Variants in CD96 observed in about 807,000 individuals in gnomAD.
The protein encoded by CD96 is CD96 molecule.
Under a neutral mutation model 71.3 loss-of-function variants are expected in CD96, and 70 were observed. The ratio of observed to expected loss-of-function variants is 0.98; its 90% CI spans 0.81 to 1.20. CD96 has a LOEUF of 1.20. Ranked by LOEUF, CD96 falls within the 50% of genes most tolerant of loss-of-function variation. CD96 has a pLI of 0.00. For synonymous variants in CD96, 248 were observed against 233.0 expected, an observed-to-expected ratio of 1.06 and a Z score of -0.59; for missense variants, 742 against 677.5, an observed-to-expected ratio of 1.10 and a Z score of -1.06.
At chr3:111,546,356 G>A (rs1027308120) in intron 2 of CD96, among the ~76,000 whole-genome samples, 2 of 152,218 alleles carry the variant, frequency 1.3e-5, no homozygotes, top group Admixed American at 6.5e-5. Context: ...TTAGTCTAGG[G>A]CAGGTAAAGG....
chr3:111,624,273 G>T, intron 9 of CD96, 60 bp from the exon 10 acceptor site: 1 of 1,145,972 alleles, frequency 8.7e-7, no homozygotes. Context: ...GTGCATCAAA[G>T]CAAAGTTAAA....
chr3:111,600,186 C>T (rs77678288), intron 6 of CD96, among the ~76,000 whole-genome samples: 1,606 of 152,312 alleles, frequency 0.011, 37 homozygotes, highest in African/African-American at 0.036. Context: ...TGAGCTCCTT[C>T]GTCCTTCCTC....
intron 2 of CD96, among the ~76,000 whole-genome samples, chr3:111,564,377 C>G (rs1332020521): frequency 6.6e-6 from 1 of 151,706 alleles, no homozygotes; most frequent in Admixed American, 6.6e-5. Context: ...TTCCCTCATT[C>G]TATTTTGAAA....
chr3:111,621,825 A>G (rs1297044170), intron 8 of CD96, among the ~76,000 whole-genome samples: 3 of 152,182 alleles, frequency 2.0e-5, no homozygotes. Context: ...GCCAATGGGA[A>G]AATCCTCAGT....
intron 13 of CD96, among the ~76,000 whole-genome samples, chr3:111,649,342 A>G (rs987245938): frequency 5.9e-5 from 9 of 152,168 alleles, no homozygotes; most frequent in African/African-American, 2.2e-4. Flanking sequence ...ATGGTGATGC[A>G]TTTCCTGCAC....
At chr3:111,655,949 T>C (rs978575439), downstream of CD96, among the ~76,000 whole-genome samples, 3 of 151,524 alleles carry the variant, frequency 2.0e-5, no homozygotes, top group Non-Finnish European at 4.4e-5. Context: ...TATACATCTA[T>C]ATAACTGCAA....
At chr3:111,555,488 G>T (rs1248910352) in intron 2 of CD96, among the ~76,000 whole-genome samples, 1 of 152,278 alleles carries the variant, frequency 6.6e-6, no homozygotes. Context: ...AATTCAGAGT[G>T]GATTGTTTCT....
chr3:111,576,244 A>T (rs1344987429), intron 3 of CD96, among the ~76,000 whole-genome samples: 2 of 152,170 alleles, frequency 1.3e-5, no homozygotes, highest in Non-Finnish European at 2.9e-5. Flanking sequence ...AAAAGAAAAA[A>T]CTGGTAGAAA....
chr3:111,654,312 C>A (rs1290697444), downstream of CD96, among the ~76,000 whole-genome samples: 6 of 152,156 alleles, frequency 3.9e-5, no homozygotes, highest in Non-Finnish European at 8.8e-5. Flanking sequence ...TCCTGGATTT[C>A]CTCGATTACT....
At chr3:111,586,047 A>AAT (rs1165009399) in intron 5 of CD96, among the ~76,000 whole-genome samples, 8 of 152,198 alleles carry the variant, frequency 5.3e-5, no homozygotes, top group Non-Finnish European at 8.8e-5. Flanking sequence ...TGAAGTGAAT[A>AAT]ATAATAGTAT....
intron 14 of CD96, among the ~76,000 whole-genome samples, chr3:111,658,955 T>C (rs1277200864): frequency 6.6e-6 from 1 of 152,190 alleles, no homozygotes; most frequent in East Asian, 1.9e-4. Context: ...ATAGTTTCAG[T>C]AGGATCGTGT....
intron 2 of CD96, among the ~76,000 whole-genome samples, chr3:111,561,134 C>G (rs1488755149): frequency 8.5e-6 from 1 of 117,622 alleles, no homozygotes; most frequent in Non-Finnish European, 1.8e-5. Context: ...AAGTTTTCAA[C>G]TTCTTTGCCT....
Position 111,647,559 on chromosome 3 carries a change from G to T in CD96, c.1494G>T (p.Lys498Asn), listed in dbSNP as rs778231861. The T allele has an allele frequency of 6.2e-6, 10 of 1,612,256 alleles. No homozygotes were observed. Among genetic ancestry groups the T allele is most frequent in the Non-Finnish European group, 8.5e-6 (10 of 1,178,432 alleles). The stretch of plus-strand genomic sequence containing the variant: ...CCTTTTCAGGTATTGTGGTCAATAA[G>T]CCCAAAGATGGAATGTCCTGGCCAG... ...HVHITGIVVN[K>N]PKDGMSWPVI... Residue 498 changes from lysine (K) to asparagine (N), a missense_variant, in exon 13 of 14, where the codon AAG (lysine) becomes AAT (asparagine). By Grantham distance (94) the Lys-to-Asn change is moderately conservative. Transcript: ENST00000352690.
rs576210640 is a variant in CD96 at position 111,542,365 on chromosome 3, G to T, written c.61+56G>T. 7.6e-4 allele frequency: 995 copies of T among 1,300,786 alleles called. 2 individuals carry two copies. Among genetic ancestry groups the T allele is most frequent in the Non-Finnish European group, 1.0e-3 (919 of 894,686 alleles). The allele number at this position is 1,300,786 out of a possible 1,614,324, so 80.6% of individuals were successfully genotyped here. A position where few individuals can be genotyped will look rare whatever the true frequency, so the allele number is the denominator to read the frequency against. The stretch of plus-strand genomic sequence containing the variant: ...ATGGGCCGCTTTAGGGGCGGATGGG[G>T]CCTCTGTTCATTTAAAATGCCTTGT... On this transcript the variant is annotated intron_variant, in intron 1 of 13. Coordinates refer to ENST00000352690, the MANE Select transcript of CD96 (RefSeq NM_005816.5).
chr3:111,638,280 C>G, intron 12 of CD96, 112 bp downstream of exon 12: 1 of 769,056 alleles, frequency 1.3e-6, no homozygotes. Flanking sequence ...ATACAGTGAA[C>G]ACACTGGCTT....
chr3:111,627,983 AC>A (rs1212021551), intron 10 of CD96, among the ~76,000 whole-genome samples: 1 of 152,212 alleles, frequency 6.6e-6, no homozygotes, highest in Non-Finnish European at 1.5e-5. Context: ...AAACAAAAAA[AC>A]CATCCAAAGG....
chr3:111,630,834 G>A (rs775798815), intron 10 of CD96, among the ~76,000 whole-genome samples: 2 of 152,138 alleles, frequency 1.3e-5, no homozygotes, highest in African/African-American at 4.8e-5. Context: ...TTCATTCCCA[G>A]GATTCAAGGC....
At chr3:111,544,293 C>G (rs1439358534) in intron 1 of CD96, among the ~76,000 whole-genome samples, 2 of 152,080 alleles carry the variant, frequency 1.3e-5, no homozygotes, top group Non-Finnish European at 2.9e-5. Context: ...TACAGGCGTG[C>G]ACCACCACGC....
intron 13 of CD96, among the ~76,000 whole-genome samples, chr3:111,649,403 T>G (rs1939977306): frequency 6.6e-6 from 1 of 152,232 alleles, no homozygotes; most frequent in Non-Finnish European, 1.5e-5. Context: ...GTAAATAATG[T>G]TATGATAAAA....
Sources: allele counts gnomAD v4.1 joint callset (sites outside exome capture counted in the v4.1 genomes callset), GRCh38; gene constraint gnomAD v4.1.1; transcripts MANE v1.5; gene names NCBI Gene and HGNC (gene_info 2026-07-23, HGNC 2026-07-21).